NUP62CL: variants seen among roughly 807,000 people sequenced by gnomAD.
NUP62CL encodes nucleoporin 62 C-terminal like.
In NUP62CL, 13 loss-of-function variants were observed where a neutral mutation model predicts 15.3. That is an observed-to-expected ratio of 0.85 (90% CI 0.55 to 1.35). The LOEUF is 1.35. Ranked by LOEUF, NUP62CL falls within the 40% of genes most tolerant of loss-of-function variation. The pLI is 0.00. For synonymous variants in NUP62CL, 54 were observed against 49.2 expected (o/e 1.10, Z -0.41); for missense variants, 123 against 130.6 (o/e 0.94, Z 0.28).
Position 107,124,291 on chromosome X carries a change from C to T in NUP62CL, c.*84G>A, listed in dbSNP as rs374296857. 1.3e-3 allele frequency: 447 copies of T among 340,017 alleles called. 2 individuals carry two copies. The highest frequency in any genetic ancestry group is 0.011 in the South Asian group (428 of 38,067). 28.0% of individuals were successfully genotyped at this position (340,017 alleles called of 1,213,427 possible). The stretch of plus-strand genomic sequence containing the variant: ...GCATGCTCCTCGTGACGATAATCCT[C>T]GAAAACCCGTGTTACCACTTCTACC... On this transcript the variant is annotated 3_prime_UTR_variant, in exon 9 of 9. Transcript: ENST00000372466.
intron 1 of NUP62CL, among the ~76,000 whole-genome samples, chrX:107,194,511 G>A (rs986192393): frequency 9.0e-6 from 1 of 111,198 alleles, no homozygotes; most frequent in East Asian, 2.8e-4. Context: ...AAAATGAGAT[G>A]ACTAAAAATT....
intron 2 of NUP62CL, among the ~76,000 whole-genome samples, chrX:107,187,770 A>G (rs994347363): frequency 8.9e-6 from 1 of 112,777 alleles, no homozygotes; most frequent in Non-Finnish European, 1.9e-5. Context: ...GGGAAAACAC[A>G]AATACAAATA....
chrX:107,173,805 A>G (rs1926704202), intron 3 of NUP62CL, among the ~76,000 whole-genome samples: 1 of 111,075 alleles, frequency 9.0e-6, no homozygotes, highest in Non-Finnish European at 1.9e-5. Context: ...TTCATGCTCA[A>G]TTAAGCATCA....
intron 8 of NUP62CL, among the ~76,000 whole-genome samples, chrX:107,128,011 A>C (rs1017490973): frequency 8.9e-6 from 1 of 111,926 alleles, no homozygotes; most frequent in African/African-American, 3.2e-5. Flanking sequence ...AATGCAGAAA[A>C]ATGGGTCCCC....
chrX:107,181,037 C>T (rs1040775363), intron 2 of NUP62CL, among the ~76,000 whole-genome samples: 1 of 107,028 alleles, frequency 9.3e-6, no homozygotes, highest in Admixed American at 1.0e-4. Flanking sequence ...CTGCCTCAGC[C>T]TCCCTAGTAG....
chrX:107,131,602 C>A, intron 8 of NUP62CL: 1 of 454,451 alleles, frequency 2.2e-6, no homozygotes, highest in South Asian at 2.9e-5. Flanking sequence ...AGCTCCGCGT[C>A]GCCAGTGACT....
rs758984119 is a variant in NUP62CL, at chrX:107,194,353, C to T, written c.-91-1281G>A. Among the ~76,000 whole-genome samples the T allele has an allele frequency of 2.7e-5, 3 of 111,112 alleles. No homozygotes were observed. The East Asian group carries it at 8.5e-4, about 31-fold the overall frequency. On this transcript the variant is annotated intron_variant, in intron 1 of 8. Coordinates refer to ENST00000372466, the MANE Select transcript of NUP62CL (RefSeq NM_017681.3). ...CTCATAGTTACCAGAGAGAAAAAAA[C>T]AAATTTACCTAATAAGGAGCAACAA... is the stretch of plus-strand genomic sequence containing the variant.
At position 107,144,924 on chromosome X, in the gene NUP62CL, C is replaced by T. The variant is rs372444377; in HGVS notation, c.*42+2819G>A. On this transcript the variant is annotated intron_variant, in intron 8 of 8. Transcript: ENST00000372466. ...ATTGCTTCTTTTAATCCTTACAAAA[C>T]CCCTAAAAGATAGATATTATCCCTC... Among the ~76,000 whole-genome samples, 7 of 111,392 alleles carry T rather than the reference C, an allele frequency of 6.3e-5. No homozygotes were observed. In the East Asian group the frequency reaches 1.7e-3, roughly 27 times the overall value.
chrX:107,136,105 A>G (rs1170466804), intron 8 of NUP62CL, among the ~76,000 whole-genome samples: 1 of 111,452 alleles, frequency 9.0e-6, no homozygotes, highest in Non-Finnish European at 1.9e-5. Flanking sequence ...ATGAAATTGC[A>G]AACAGAAAAA....
intron 1 of NUP62CL, among the ~76,000 whole-genome samples, chrX:107,193,689 CAA>C (rs35585744): frequency 2.4e-3 from 228 of 96,733 alleles, no homozygotes; most frequent in Non-Finnish European, 4.0e-3. Flanking sequence ...CACATATAGT[CAA>C]AAAAAAAAAG....
intron 5 of NUP62CL, 127 bp from the exon 6 acceptor site, chrX:107,153,630 C>A: frequency 2.2e-6 from 1 of 450,442 alleles, no homozygotes; most frequent in Non-Finnish European, 3.7e-6. Context: ...GTACTTATTG[C>A]CTAAGGAATA....
At chrX:107,163,974 C>T (rs1456637289) in intron 4 of NUP62CL, among the ~76,000 whole-genome samples, 1 of 112,162 alleles carries the variant, frequency 8.9e-6, no homozygotes, top group East Asian at 2.8e-4. Flanking sequence ...ACTCCAATAA[C>T]ACAGTATCTG....
intron 1 of NUP62CL, among the ~76,000 whole-genome samples, chrX:107,205,042 T>C (rs1033451122): frequency 9.0e-6 from 1 of 110,733 alleles, no homozygotes; most frequent in Non-Finnish European, 1.9e-5. Flanking sequence ...GTACATTTTT[T>C]AAAATGTAAT....
intron 7 of NUP62CL, among the ~76,000 whole-genome samples, chrX:107,149,001 CTCTT>C (rs1925949226): frequency 9.0e-6 from 1 of 111,494 alleles, no homozygotes; most frequent in African/African-American, 3.3e-5. Context: ...TGTCAGTGAT[CTCTT>C]TCTTCTTTTA....
At chrX:107,136,130 C>T (rs1925635709) in intron 8 of NUP62CL, among the ~76,000 whole-genome samples, 1 of 109,178 alleles carries the variant, frequency 9.2e-6, no homozygotes, top group African/African-American at 3.3e-5. Context: ...AGAAAAACAT[C>T]GAGACAAAAA....
At chrX:107,182,427 T>A (rs138811229) in intron 2 of NUP62CL, among the ~76,000 whole-genome samples, 87 of 112,283 alleles carry the variant, frequency 7.7e-4, no homozygotes, top group Middle Eastern at 9.1e-3. Context: ...ATTTCCTCCA[T>A]CTAGTGCTAT....
rs1373319530 is a variant in NUP62CL at position 107,189,901 on chromosome X, G to GAA, written c.-48+3126_-48+3127dup. Among the ~76,000 whole-genome samples, 30 of 98,160 alleles carry GAA rather than the reference G, an allele frequency of 3.1e-4. 1 individual carries two copies. Among genetic ancestry groups the GAA allele is most frequent in the Non-Finnish European group, 5.5e-4 (27 of 49,527 alleles). The allele number at this position is 98,160 out of a possible 115,157, so 85.2% of individuals were successfully genotyped here. ...GAAAAGAAAGAAAGAAAGAAAGAAA[G>GAA]AAAGAAAGAAAGAAAGAAAGAAAGA... On this transcript the variant is annotated intron_variant, in intron 2 of 8. Coordinates refer to ENST00000372466, the MANE Select transcript of NUP62CL (RefSeq NM_017681.3).
chrX:107,181,097 G>A (rs369357315), intron 2 of NUP62CL, among the ~76,000 whole-genome samples: 1 of 100,369 alleles, frequency 1.0e-5, no homozygotes, highest in Non-Finnish European at 2.0e-5. Flanking sequence ...TTTTTTTTCT[G>A]TAGTGACGAG....
intron 8 of NUP62CL, among the ~76,000 whole-genome samples, chrX:107,125,609 T>C (rs1162032942): frequency 9.0e-6 from 1 of 111,668 alleles, no homozygotes; most frequent in Non-Finnish European, 1.9e-5. Flanking sequence ...AACATTATGT[T>C]CAACCTGGCA....
Sources: allele counts gnomAD v4.1 joint callset (sites outside exome capture counted in the v4.1 genomes callset), GRCh38; gene constraint gnomAD v4.1.1; transcripts MANE v1.5; gene names NCBI Gene and HGNC (gene_info 2026-07-23, HGNC 2026-07-21).